The following FBXO16 variants were observed in gnomAD, a reference collection of about 807,000 sequenced individuals.
FBXO16 encodes F-box only protein 16.
Under a neutral mutation model 41.0 loss-of-function variants are expected in FBXO16, and 31 were observed. The ratio of observed to expected loss-of-function variants is 0.76; its 90% CI spans 0.57 to 1.02. The LOEUF (loss-of-function observed/expected upper bound fraction) is 1.02, where lower values mean the gene tolerates loss of function less well. FBXO16 is among the 50% of genes least tolerant of loss of function. The pLI, the probability that FBXO16 is intolerant of heterozygous loss-of-function variation, is 0.00. For synonymous variants in FBXO16, 133 were observed against 117.8 expected, an observed-to-expected ratio of 1.13 and a Z score of -0.84; for missense variants, 361 against 346.2, an observed-to-expected ratio of 1.04 and a Z score of -0.34.
At chr8:28,465,644 A>G (rs910045085) in intron 3 of FBXO16, among the ~76,000 whole-genome samples, 1 of 152,190 alleles carries the variant, frequency 6.6e-6, no homozygotes, top group Admixed American at 6.5e-5. Context: ...AAAAATTTTT[A>G]AAAAAGCAGA....
At chr8:28,444,243 C>T (rs185093781) in intron 7 of FBXO16, among the ~76,000 whole-genome samples, 4 of 152,112 alleles carry the variant, frequency 2.6e-5, no homozygotes, top group African/African-American at 9.6e-5. Flanking sequence ...CTTTGTTCCC[C>T]TGACTGGATT....
At chr8:28,449,014 C>T (rs1409745937) in intron 6 of FBXO16, 2 of 152,158 alleles carry the variant, frequency 1.3e-5, no homozygotes, top group Non-Finnish European at 2.9e-5. Flanking sequence ...CAACACGAGA[C>T]AGACAACCAG....
At chr8:28,471,805 CAAAAAAAAAA>C (rs557259701) in intron 3 of FBXO16, among the ~76,000 whole-genome samples, 18 of 23,750 alleles carry the variant, frequency 7.6e-4, no homozygotes, top group Admixed American at 3.2e-3. Flanking sequence ...CAGAGAATCT[CAAAAAAAAAA>C]AAAAAAAAAA....
chr8:28,452,310 T>C lies in FBXO16; in HGVS notation c.674A>G (p.His225Arg). 1 of 1,614,170 alleles carries C rather than the reference T, an allele frequency of 6.2e-7. No homozygotes were observed. Among genetic ancestry groups the C allele is most frequent in the Non-Finnish European group, 8.5e-7 (1 of 1,180,040 alleles). The change falls in exon 6 of 9, where the codon CAC (histidine) becomes CGC (arginine). Residue 225 changes from histidine to arginine, a missense_variant. His to Arg is a conservative substitution (Grantham distance 29). Transcript: ENST00000380254. ...ATTAAAACGAATGATATCTGTTGGG[T>C]GCTTATCAGAAGATCGCCAGGGTGG... is the stretch of plus-strand genomic sequence containing the variant. Reference protein sequence around the residue: ...ALPPWRSSDKHPTDIIRFNYL... With the variant: ...ALPPWRSSDKRPTDIIRFNYL...
chr8:28,432,950 A>T (rs544273580), intron 7 of FBXO16, among the ~76,000 whole-genome samples: 2 of 152,114 alleles, frequency 1.3e-5, no homozygotes, highest in South Asian at 4.2e-4. Flanking sequence ...AATCCCAGCT[A>T]CTTGGGAGGC....
chr8:28,432,426 A>G (rs1055728154), intron 7 of FBXO16, among the ~76,000 whole-genome samples: 1 of 151,910 alleles, frequency 6.6e-6, no homozygotes, highest in Non-Finnish European at 1.5e-5. Context: ...GTGAGCCAAG[A>G]TTGCACCACT....
intron 6 of FBXO16, among the ~76,000 whole-genome samples, chr8:28,449,883 A>G (rs925995801): frequency 7.9e-5 from 12 of 151,404 alleles, no homozygotes; most frequent in African/African-American, 2.9e-4. Context: ...GAGGCAGGAG[A>G]ATGGCTTGAA....
chr8:28,455,426 A>C (rs139226697), intron 5 of FBXO16, among the ~76,000 whole-genome samples: 133 of 152,266 alleles, frequency 8.7e-4, no homozygotes, highest in African/African-American at 3.2e-3. Context: ...CTGTAGAGAC[A>C]GGGTCTTCCT....
chr8:28,436,377 T>C (rs886352562), intron 7 of FBXO16, among the ~76,000 whole-genome samples: 24 of 152,330 alleles, frequency 1.6e-4, no homozygotes, highest in African/African-American at 5.8e-4. Context: ...CCGCTTATGC[T>C]TCTGGCGGAA....
chr8:28,476,058 G>A (rs1052740907), intron 2 of FBXO16, among the ~76,000 whole-genome samples: 1 of 152,114 alleles, frequency 6.6e-6, no homozygotes, highest in Non-Finnish European at 1.5e-5. Flanking sequence ...TTCTGCCCAT[G>A]CTTTGGTCTG....
Position 28,447,156 on chromosome 8 carries a change from A to G in FBXO16, c.843+15T>C, listed in dbSNP as rs2130114131. On this transcript the variant is annotated intron_variant, in intron 7 of 8. Coordinates refer to ENST00000380254, the MANE Select transcript of FBXO16 (RefSeq NM_172366.4). Reference sequence around the variant, plus strand: ...TTAATGTTATGGTGATGAATCTTTCATAAACAATACTTACCATTGATTGTG... The same window carrying G: ...TTAATGTTATGGTGATGAATCTTTCGTAAACAATACTTACCATTGATTGTG... The G allele has an allele frequency of 1.3e-6, 2 of 1,599,104 alleles. No individual in the cohort carries two copies. The highest frequency in any genetic ancestry group is 1.7e-6 in the Non-Finnish European group (2 of 1,171,064).
chr8:28,429,475 GGAGAGAGAGT>G (rs1432971034), intron 7 of FBXO16, 72 bp from the exon 8 acceptor site: 2 of 1,573,236 alleles, frequency 1.3e-6, no homozygotes, highest in Non-Finnish European at 1.7e-6. Flanking sequence ...GAGCTTGAAG[GGAGAGAGAGT>G]GAGGCACTCT....
Position 28,429,408 on chromosome 8 carries a change from C to T in FBXO16, c.844-5G>A. 6 of 1,613,824 alleles carry T rather than the reference C, an allele frequency of 3.7e-6. No individual in the cohort carries two copies. Among genetic ancestry groups the T allele is most frequent in the Non-Finnish European group, 5.1e-6 (6 of 1,179,878 alleles). On this transcript the variant is annotated splice_region_variant and splice_polypyrimidine_tract_variant and intron_variant, in intron 7 of 8. Coordinates refer to ENST00000380254, the MANE Select transcript of FBXO16 (RefSeq NM_172366.4). ...GAAGGGATTTCTCCTCGACATCTGG[C>T]CGCGAGCAGGAAAGGGAAGAGAATG... is the stretch of plus-strand genomic sequence containing the variant.
At chr8:28,447,960 AT>A (rs1384125276) in intron 6 of FBXO16, among the ~76,000 whole-genome samples, 2 of 152,126 alleles carry the variant, frequency 1.3e-5, no homozygotes, top group African/African-American at 4.8e-5. Context: ...TCTCAAAAAA[AT>A]AATAATAAAA....
intron 2 of FBXO16, among the ~76,000 whole-genome samples, chr8:28,474,352 A>AAAAAG (rs1563368937): frequency 2.3e-5 from 3 of 127,912 alleles, no homozygotes; most frequent in Non-Finnish European, 4.8e-5. Context: ...AAAAAAAAAA[A>AAAAAG]AGAGAGAGAA....
intron 2 of FBXO16, among the ~76,000 whole-genome samples, chr8:28,475,227 CT>C (rs1202811872): frequency 6.6e-6 from 1 of 152,140 alleles, no homozygotes; most frequent in Non-Finnish European, 1.5e-5. Flanking sequence ...GCTTTCCTTC[CT>C]TTTTTAACTC....
At chr8:28,442,895 A>G (rs918563566) in intron 7 of FBXO16, among the ~76,000 whole-genome samples, 1 of 152,152 alleles carries the variant, frequency 6.6e-6, no homozygotes, top group African/African-American at 2.4e-5. Context: ...TTCCCCAAGT[A>G]TGGTTCTGTT....
chr8:28,460,050 T>A (rs1182583386), intron 4 of FBXO16, among the ~76,000 whole-genome samples: 1 of 151,342 alleles, frequency 6.6e-6, no homozygotes, highest in Non-Finnish European at 1.5e-5. Context: ...CAAAAAATCA[T>A]TTTTGGAATA....
intron 5 of FBXO16, 21 bp downstream of exon 5, chr8:28,456,745 G>A: frequency 6.2e-7 from 1 of 1,610,968 alleles, no homozygotes. Flanking sequence ...GCAAGCTTGT[G>A]GCTTTCTGTC....
Sources: gnomAD v4.1 joint callset for allele counts (sites outside exome capture counted in the v4.1 genomes callset) on GRCh38, gnomAD v4.1.1 for gene constraint, MANE v1.5 for transcripts, NCBI Gene and HGNC (gene_info 2026-07-23, HGNC 2026-07-21) for gene names.